Variants in PACSIN2 observed in about 807,000 individuals in gnomAD.
The protein encoded by PACSIN2 is protein kinase C and casein kinase substrate in neurons 2, also known as protein kinase C and casein kinase substrate in neurons protein 2.
Under a neutral mutation model 63.8 loss-of-function variants are expected in PACSIN2, and 25 were observed. The observed-to-expected ratio is 0.39, with a 90% CI of 0.29 to 0.55. The LOEUF is 0.55. PACSIN2 is among the 20% of genes least tolerant of loss of function. The pLI is 0.62. For missense variants in PACSIN2, 518 were observed against 646.9 expected (o/e 0.80, Z 2.16); for synonymous variants, 255 against 256.2 (o/e 1.00, Z 0.05).
chr22:42,882,952 TCAAGG>T (rs1333734531), intron 6 of PACSIN2, among the ~76,000 whole-genome samples: 6 of 152,184 alleles, frequency 3.9e-5, no homozygotes, highest in Admixed American at 3.9e-4. Context: ...ATCCCCTCCA[TCAAGG>T]GTTGAATTGT....
chr22:43,003,724 C>CAGAA (rs747988027), intron 1 of PACSIN2, among the ~76,000 whole-genome samples: 11 of 152,230 alleles, frequency 7.2e-5, no homozygotes, highest in Non-Finnish European at 1.5e-4. Flanking sequence ...CAGTCCTCTA[C>CAGAA]AGAAACACAA....
chr22:42,915,517 G>A (rs5751402), intron 1 of PACSIN2, among the ~76,000 whole-genome samples: 66,069 of 151,894 alleles, frequency 0.43, 14,917 homozygotes, highest in Non-Finnish European at 0.48. Flanking sequence ...CGTACCCCAC[G>A]GGTATCCCCT....
rs187961267 is a variant in PACSIN2 at position 42,927,489 on chromosome 22, T to G, written c.-77-15332A>C. 2.3e-3 allele frequency among the ~76,000 whole-genome samples: 345 copies of G among 152,298 alleles called. 1 individual carries two copies. Among genetic ancestry groups the G allele is most frequent in the African/African-American group, 7.8e-3 (326 of 41,564 alleles). On this transcript the variant is annotated intron_variant, in intron 1 of 10. Coordinates refer to ENST00000263246, the MANE Select transcript of PACSIN2 (RefSeq NM_001184970.3). ...GTCTCAAACTTCTGGCCTCAAGTGATCCACCCATCTTGGCCTCCCAAAGTG... is the reference window on the plus strand; with the variant it reads ...GTCTCAAACTTCTGGCCTCAAGTGAGCCACCCATCTTGGCCTCCCAAAGTG...
At chr22:42,945,706 C>T (rs1223046813) in intron 1 of PACSIN2, 1 of 152,496 alleles carries the variant, frequency 6.6e-6, no homozygotes, top group Non-Finnish European at 1.5e-5. Context: ...TCCCACTTGG[C>T]TCTGTCCCCA....
chr22:42,937,743 G>C (rs1429051392), intron 1 of PACSIN2, among the ~76,000 whole-genome samples: 1 of 152,230 alleles, frequency 6.6e-6, no homozygotes, highest in African/African-American at 2.4e-5. Context: ...GAGGAGCAGG[G>C]ACACTGGCTC....
intron 1 of PACSIN2, among the ~76,000 whole-genome samples, chr22:43,000,235 G>A (rs985041276): frequency 1.3e-5 from 2 of 152,212 alleles, no homozygotes; most frequent in East Asian, 3.9e-4. Context: ...CCGGGTTCCA[G>A]GTCAGGACCC....
intron 4 of PACSIN2, among the ~76,000 whole-genome samples, chr22:42,889,530 G>A (rs2146666743): frequency 6.6e-6 from 1 of 152,278 alleles, no homozygotes; most frequent in East Asian, 1.9e-4. Context: ...CAAAACAGAA[G>A]AGAAAGGAGA....
At chr22:42,933,638 C>G (rs1366083327) in intron 1 of PACSIN2, among the ~76,000 whole-genome samples, 2 of 152,208 alleles carry the variant, frequency 1.3e-5, no homozygotes, top group East Asian at 1.9e-4. Context: ...TGGCTCCACA[C>G]AGATGACATA....
chr22:42,988,570 T>A (rs1922793921), intron 1 of PACSIN2, among the ~76,000 whole-genome samples: 1 of 152,242 alleles, frequency 6.6e-6, no homozygotes, highest in Non-Finnish European at 1.5e-5. Flanking sequence ...TGCTCCTAAC[T>A]ACAGCAGCTC....
intron 1 of PACSIN2, among the ~76,000 whole-genome samples, chr22:42,925,870 G>T (rs115089835): frequency 6.6e-6 from 1 of 152,112 alleles, no homozygotes; most frequent in Non-Finnish European, 1.5e-5. Context: ...GCGGCCCATG[G>T]GTCCCTGGGC....
rs1426601721 is a variant in PACSIN2, at chr22:42,869,925, G to A, written c.*1432C>T. The stretch of plus-strand genomic sequence containing the variant: ...AGTTCTCAGGACAGACACAGACACA[G>A]GTCCACTTTCCAAGCAAGACATCTG... On this transcript the variant is annotated 3_prime_UTR_variant, in exon 11 of 11. Transcript: ENST00000263246. The A allele has an allele frequency of 1.3e-5, 2 of 152,478 alleles. No individual in the cohort carries two copies. Among genetic ancestry groups the A allele is most frequent in the African/African-American group, 4.8e-5 (2 of 41,452 alleles). The allele number at this position is 152,478 out of a possible 1,614,324, so 9.4% of individuals were successfully genotyped here. A position where few individuals can be genotyped will look rare whatever the true frequency, so the allele number is the denominator to read the frequency against.
In PACSIN2 at chr22:42,914,269, G is replaced by A. The variant is rs1330568895; in HGVS notation, c.-77-2112C>T. On this transcript the variant is annotated intron_variant, in intron 1 of 10. Transcript: ENST00000263246. ...TTTTTTTTAGGTGGAATCTGGCTCT[G>A]TTGCCCGGGCTGGAGTGCAGTAGTG... Among the ~76,000 whole-genome samples, 4 of 152,256 alleles carry A rather than the reference G, an allele frequency of 2.6e-5. No homozygotes were observed. In the East Asian group the frequency reaches 7.7e-4, roughly 29 times the overall value.
rs539533501 is a variant in PACSIN2, at chr22:42,905,514, G to C, written c.60+6507C>G. On this transcript the variant is annotated intron_variant, in intron 2 of 10. Transcript: ENST00000263246. Reference sequence around the variant, plus strand: ...GCAAGTGCTGTCCCTGGCCTGGGCAGCCCATCACAGAACAGCAGCAGGCCA... The same window carrying C: ...GCAAGTGCTGTCCCTGGCCTGGGCACCCCATCACAGAACAGCAGCAGGCCA... 6.4e-4 allele frequency among the ~76,000 whole-genome samples: 98 copies of C among 152,382 alleles called. 1 individual carries two copies. The highest frequency in any genetic ancestry group is 2.5e-3 in the Admixed American group (39 of 15,304).
chr22:42,888,856 G>A, intron 4 of PACSIN2, 58 bp from the exon 5 acceptor site: 2 of 1,558,732 alleles, frequency 1.3e-6, no homozygotes, highest in Non-Finnish European at 1.8e-6. Context: ...ATCCTCACTA[G>A]AAGTCACACA....
Position 42,891,154 on chromosome 22 carries a change from G to C in PACSIN2, c.246C>G (p.Ala82=), listed in dbSNP as rs369900647. The change falls in exon 4 of 11, where the codon GCC becomes GCG. Residue 82 remains alanine (A), a synonymous_variant. Transcript: ENST00000263246. ...KGPQYGTVEK[A]WMAFMSEAER... ...CTGCCTCGGACATGAAGGCCATCCA[G>C]GCCTTCTCCACGGTCCCGTACTGGG... 496 of 1,613,850 alleles carry C rather than the reference G, an allele frequency of 3.1e-4. 5 individuals carry two copies. Among genetic ancestry groups the C allele is most frequent in the Non-Finnish European group, 6.7e-5 (79 of 1,180,002 alleles).
At chr22:42,943,810 G>A (rs1187918408) in intron 1 of PACSIN2, among the ~76,000 whole-genome samples, 2 of 152,030 alleles carry the variant, frequency 1.3e-5, no homozygotes, top group Non-Finnish European at 2.9e-5. Flanking sequence ...GTGATAATAA[G>A]GTATCAGAGG....
intron 10 of PACSIN2, among the ~76,000 whole-genome samples, chr22:42,872,355 C>T (rs1471842657): frequency 2.0e-5 from 3 of 152,200 alleles, no homozygotes; most frequent in African/African-American, 7.2e-5. Flanking sequence ...GCAGGGAAGG[C>T]CAGTTGGGCC....
intron 1 of PACSIN2, among the ~76,000 whole-genome samples, chr22:42,913,917 A>G (rs1192412050): frequency 2.0e-5 from 3 of 152,254 alleles, no homozygotes; most frequent in African/African-American, 7.2e-5. Context: ...TTGCTAATTA[A>G]AAGGGCTTAA....
At chr22:42,982,888 A>AAAAAAAAAACAAC (rs759532303) in intron 1 of PACSIN2, among the ~76,000 whole-genome samples, 1 of 105,156 alleles carries the variant, frequency 9.5e-6, no homozygotes, top group Non-Finnish European at 2.1e-5. Flanking sequence ...AAAAAAAAAA[A>AAAAAAAAAACAAC]AACAACAACA....
Sources: allele counts gnomAD v4.1 joint callset (sites outside exome capture counted in the v4.1 genomes callset), GRCh38; gene constraint gnomAD v4.1.1; transcripts MANE v1.5; gene names NCBI Gene and HGNC (gene_info 2026-07-23, HGNC 2026-07-21).